Variants in RPS6KA6 observed in about 807,000 individuals in gnomAD.
RPS6KA6 encodes ribosomal protein S6 kinase alpha-6.
In RPS6KA6, 27 loss-of-function variants were observed where a neutral mutation model predicts 65.4. The observed-to-expected ratio is 0.41, with a 90% CI of 0.30 to 0.57. The LOEUF (loss-of-function observed/expected upper bound fraction) is 0.57. Ranked by LOEUF, RPS6KA6 falls within the 20% of genes least tolerant of loss-of-function variation. The pLI is 0.24. For synonymous variants in RPS6KA6, 190 were observed against 184.2 expected (o/e 1.03, Z -0.26); for missense variants, 486 against 555.6 (o/e 0.87, Z 1.26).
chrX:84,129,038 A>G (rs1441839656), intron 8 of RPS6KA6, among the ~76,000 whole-genome samples: 3 of 111,427 alleles, frequency 2.7e-5, no homozygotes, highest in Admixed American at 9.6e-5. Context: ...AAAGGAAACA[A>G]TCAATAACAT....
At chrX:84,105,010 G>A (rs1185213677) in intron 16 of RPS6KA6, among the ~76,000 whole-genome samples, 3 of 110,655 alleles carry the variant, frequency 2.7e-5, no homozygotes, top group African/African-American at 6.5e-5. Flanking sequence ...TTCCCCAAAC[G>A]TAAGCTTCTT....
rs1236112545 is a variant in RPS6KA6 at position 84,059,005 on chromosome X, T to C, written c.*5272A>G. The stretch of plus-strand genomic sequence containing the variant: ...TCAAACAGAAAAACCACCTTCTCCT[T>C]TTTTTTGTACTATGGAATTTAATGC... On this transcript the variant is annotated 3_prime_UTR_variant, in exon 22 of 22. Transcript: ENST00000262752. The C allele has an allele frequency of 2.8e-5, 3 of 108,734 alleles. No individual in the cohort carries two copies. Among genetic ancestry groups the C allele is most frequent in the African/African-American group, 1.0e-4 (3 of 29,930 alleles). The allele number at this position is 108,734 out of a possible 1,213,427, so 9.0% of individuals were successfully genotyped here. A position where few individuals can be genotyped will look rare whatever the true frequency, so the allele number is the denominator to read the frequency against.
intron 18 of RPS6KA6, among the ~76,000 whole-genome samples, chrX:84,098,221 G>C (rs372581424): frequency 1.8e-5 from 2 of 111,258 alleles, no homozygotes; most frequent in South Asian, 3.7e-4. Context: ...GTAAGTAGTA[G>C]AACACGAAGT....
intron 20 of RPS6KA6, among the ~76,000 whole-genome samples, chrX:84,069,186 A>C (rs1200502690): frequency 8.9e-6 from 1 of 112,096 alleles, no homozygotes; most frequent in Admixed American, 9.4e-5. Context: ...ACAGTAACCG[A>C]AACAGCATGG....
At chrX:84,170,742 T>G (rs1286388265) in intron 1 of RPS6KA6, among the ~76,000 whole-genome samples, 2 of 111,525 alleles carry the variant, frequency 1.8e-5, no homozygotes, top group African/African-American at 3.3e-5. Context: ...TGTTGGACAC[T>G]CTAAGATAGG....
chrX:84,108,354 G>A (rs954992310), intron 12 of RPS6KA6, among the ~76,000 whole-genome samples: 1 of 111,936 alleles, frequency 8.9e-6, no homozygotes, highest in African/African-American at 3.2e-5. Context: ...AGTTCATTAT[G>A]GCTTACTAGA....
chrX:84,086,544 CTTTTT>C (rs200707457), intron 20 of RPS6KA6, among the ~76,000 whole-genome samples: 21 of 107,895 alleles, frequency 1.9e-4, no homozygotes, highest in Non-Finnish European at 2.7e-4. Context: ...TTCAGTTTTT[CTTTTT>C]TTTTGCATTT....
chrX:84,184,829 C>CAAAAA (rs11445430), intron 1 of RPS6KA6, among the ~76,000 whole-genome samples: 9 of 20,001 alleles, frequency 4.5e-4, no homozygotes, highest in Admixed American at 8.9e-4. Context: ...GACCCTGACT[C>CAAAAA]AAAAAAAAAA....
chrX:84,159,690 T>C (rs1272248317), intron 2 of RPS6KA6, among the ~76,000 whole-genome samples: 3 of 111,082 alleles, frequency 2.7e-5, no homozygotes, highest in African/African-American at 3.3e-5. Flanking sequence ...GGCTAAATTA[T>C]GTCCCCTAAC....
intron 20 of RPS6KA6, among the ~76,000 whole-genome samples, chrX:84,065,643 A>T (rs1220774397): frequency 8.9e-6 from 1 of 112,213 alleles, no homozygotes; most frequent in Non-Finnish European, 1.9e-5. Flanking sequence ...TTTTTCATCA[A>T]AGTAAGTGTA....
chrX:84,107,289 T>C (rs2034378608), intron 13 of RPS6KA6, among the ~76,000 whole-genome samples: 1 of 111,705 alleles, frequency 9.0e-6, no homozygotes, highest in Non-Finnish European at 1.9e-5. Flanking sequence ...ATTTCTTGAG[T>C]GTATGTATGA....
intron 17 of RPS6KA6, 71 bp downstream of exon 17, chrX:84,104,428 G>T: frequency 1.5e-6 from 1 of 660,222 alleles, no homozygotes; most frequent in Non-Finnish European, 2.1e-6. Flanking sequence ...TATTTTAGGT[G>T]GCATCATCTC....
chrX:84,154,887 T>G (rs2035389109), intron 3 of RPS6KA6, among the ~76,000 whole-genome samples: 1 of 112,198 alleles, frequency 8.9e-6, no homozygotes, highest in African/African-American at 3.2e-5. Context: ...AGATGACATC[T>G]ATTTTATAGT....
intron 14 of RPS6KA6, 62 bp downstream of exon 14, chrX:84,106,848 C>T (rs776747980): frequency 1.1e-6 from 1 of 899,567 alleles, no homozygotes; most frequent in Non-Finnish European, 1.5e-6. Flanking sequence ...ATTAAAAATA[C>T]ATCAGCAATA....
At chrX:84,137,749 G>A (rs1399077306) in intron 6 of RPS6KA6, among the ~76,000 whole-genome samples, 1 of 111,728 alleles carries the variant, frequency 9.0e-6, no homozygotes, top group Non-Finnish European at 1.9e-5. Flanking sequence ...ACTTTTTTGT[G>A]AATTATCAGT....
At chrX:84,076,370 T>C (rs540347339) in intron 20 of RPS6KA6, among the ~76,000 whole-genome samples, 1 of 111,682 alleles carries the variant, frequency 9.0e-6, no homozygotes, top group South Asian at 3.7e-4. Flanking sequence ...AAATAGTACA[T>C]CCACATCCCT....
chrX:84,143,432 G>A (rs954989914), intron 6 of RPS6KA6, among the ~76,000 whole-genome samples: 1 of 111,025 alleles, frequency 9.0e-6, no homozygotes. Flanking sequence ...AAATTAGGAA[G>A]TCAATTCTAT....
At chrX:84,121,851 G>C (rs1161929016) in intron 8 of RPS6KA6, among the ~76,000 whole-genome samples, 5 of 111,973 alleles carry the variant, frequency 4.5e-5, no homozygotes, top group African/African-American at 1.6e-4. Flanking sequence ...GGATTTCTTA[G>C]ATACATCAAA....
At chrX:84,102,277 T>TG in intron 17 of RPS6KA6, 79 bp from the exon 18 acceptor site, 2 of 535,030 alleles carry the variant, frequency 3.7e-6, no homozygotes, top group Non-Finnish European at 5.3e-6. Flanking sequence ...ATCTATATAA[T>TG]TAACTAAATA....
Sources: allele counts gnomAD v4.1 joint callset (sites outside exome capture counted in the v4.1 genomes callset), GRCh38; gene constraint gnomAD v4.1.1; transcripts MANE v1.5; gene names NCBI Gene and HGNC (gene_info 2026-07-23, HGNC 2026-07-21).